The following TCERG1L variants were observed in gnomAD, a reference collection of about 807,000 sequenced individuals.
The protein encoded by TCERG1L is transcription elongation regulator 1-like protein.
In TCERG1L, 37 loss-of-function variants were observed where a neutral mutation model predicts 56.3. That is an observed-to-expected ratio of 0.66 (90% CI 0.51 to 0.87). TCERG1L has a LOEUF of 0.87. Among genes scored for constraint, TCERG1L ranks in the 40% least tolerant of loss-of-function variants. TCERG1L has a pLI of 0.00. For synonymous variants in TCERG1L, 324 were observed against 326.3 expected, an observed-to-expected ratio of 0.99 and a Z score of 0.08; for missense variants, 799 against 774.2, an observed-to-expected ratio of 1.03 and a Z score of -0.38.
At chr10:131,234,233 C>A (rs995645175) in intron 4 of TCERG1L, among the ~76,000 whole-genome samples, 1 of 152,200 alleles carries the variant, frequency 6.6e-6, no homozygotes, top group Non-Finnish European at 1.5e-5. Flanking sequence ...ATTTCCTATC[C>A]TAATCAACCC....
At chr10:131,249,237 A>G (rs1326071187) in intron 4 of TCERG1L, among the ~76,000 whole-genome samples, 4 of 152,248 alleles carry the variant, frequency 2.6e-5, no homozygotes, top group Admixed American at 2.6e-4. Context: ...AAGCAGATAT[A>G]AGTGATTGTT....
At chr10:131,121,543 C>T (rs746498712) in intron 8 of TCERG1L, among the ~76,000 whole-genome samples, 7 of 152,340 alleles carry the variant, frequency 4.6e-5, no homozygotes, top group African/African-American at 9.6e-5. Context: ...ATTTGATGAA[C>T]AGGCCTCCTG....
chr10:131,205,021 G>A (rs760640877), intron 4 of TCERG1L, among the ~76,000 whole-genome samples: 7 of 152,030 alleles, frequency 4.6e-5, no homozygotes, highest in Non-Finnish European at 8.8e-5. Flanking sequence ...CCTGCCACCC[G>A]GCTCTTTCTG....
chr10:131,094,925 C>T (rs1250352000), intron 11 of TCERG1L, among the ~76,000 whole-genome samples: 2 of 152,232 alleles, frequency 1.3e-5, no homozygotes, highest in Non-Finnish European at 2.9e-5. Context: ...AGGCCCTATT[C>T]TGGGCCTCTC....
intron 5 of TCERG1L, among the ~76,000 whole-genome samples, chr10:131,164,391 T>A (rs1846010141): frequency 6.6e-6 from 1 of 152,170 alleles, no homozygotes; most frequent in Non-Finnish European, 1.5e-5. Flanking sequence ...AGACCGCAGG[T>A]CTTTGTTCAG....
chr10:131,261,059 C>T (rs1846233561), intron 3 of TCERG1L, among the ~76,000 whole-genome samples: 1 of 152,136 alleles, frequency 6.6e-6, no homozygotes, highest in Non-Finnish European at 1.5e-5. Flanking sequence ...TGGCCGGTCA[C>T]CAGACCAGCT....
intron 4 of TCERG1L, among the ~76,000 whole-genome samples, chr10:131,187,431 C>T (rs886931489): frequency 4.6e-5 from 7 of 152,156 alleles, no homozygotes; most frequent in Non-Finnish European, 1.0e-4. Context: ...CCAGGTGGCC[C>T]AGCAGGGAGC....
At chr10:131,223,909 G>A (rs1312361512) in intron 4 of TCERG1L, among the ~76,000 whole-genome samples, 42 of 149,348 alleles carry the variant, frequency 2.8e-4, no homozygotes, top group Admixed American at 2.7e-3. Context: ...AGCTTGACCT[G>A]CTGAGCCCTG....
intron 4 of TCERG1L, among the ~76,000 whole-genome samples, chr10:131,223,315 G>A (rs757488555): frequency 5.3e-5 from 8 of 152,180 alleles, no homozygotes; most frequent in Non-Finnish European, 7.3e-5. Flanking sequence ...CAATCCAGGC[G>A]TCAAGGTGGA....
At chr10:131,200,737 C>G (rs554207849) in intron 4 of TCERG1L, among the ~76,000 whole-genome samples, 174 of 152,218 alleles carry the variant, frequency 1.1e-3, no homozygotes, top group African/African-American at 4.0e-3. Flanking sequence ...ATGTATTTTG[C>G]GTGTGGGAAG....
intron 3 of TCERG1L, among the ~76,000 whole-genome samples, chr10:131,285,445 C>T (rs150476062): frequency 1.1e-5 from 1 of 92,666 alleles, no homozygotes; most frequent in African/African-American, 4.2e-5. Context: ...GAAAGAGAAA[C>T]AAAGAAAGAG....
intron 4 of TCERG1L, among the ~76,000 whole-genome samples, chr10:131,184,166 C>T (rs951689430): frequency 1.3e-5 from 2 of 152,234 alleles, no homozygotes; most frequent in African/African-American, 4.8e-5. Context: ...TTGGAGTGTG[C>T]ACTAAGCGAT....
intron 8 of TCERG1L, 110 bp from the exon 9 acceptor site, chr10:131,117,044 C>T (rs1198764338): frequency 2.2e-6 from 3 of 1,357,258 alleles, no homozygotes; most frequent in Non-Finnish European, 2.9e-6. Context: ...GCACAGTCTC[C>T]TTGACAACTC....
chr10:131,143,521 C>G (rs974506779), intron 7 of TCERG1L, among the ~76,000 whole-genome samples: 1 of 152,162 alleles, frequency 6.6e-6, no homozygotes, highest in Non-Finnish European at 1.5e-5. Context: ...AGGTGGCCCC[C>G]GTGGCCAAAG....
At chr10:131,297,309 C>T (rs1378510352) in intron 3 of TCERG1L, among the ~76,000 whole-genome samples, 2 of 152,126 alleles carry the variant, frequency 1.3e-5, no homozygotes, top group Non-Finnish European at 2.9e-5. Flanking sequence ...TTGACAAATG[C>T]ATTTTCTGAA....
intron 4 of TCERG1L, among the ~76,000 whole-genome samples, chr10:131,249,760 T>C (rs1010954729): frequency 6.6e-6 from 1 of 152,204 alleles, no homozygotes; most frequent in Non-Finnish European, 1.5e-5. Flanking sequence ...CCACACTCGC[T>C]GGCTCACGCA....
chr10:131,210,094 A>G (rs1310796312), intron 4 of TCERG1L, among the ~76,000 whole-genome samples: 1 of 152,234 alleles, frequency 6.6e-6, no homozygotes, highest in Admixed American at 6.5e-5. Context: ...TCACCTGGAG[A>G]AGAAGAAAAT....
intron 3 of TCERG1L, among the ~76,000 whole-genome samples, chr10:131,278,248 G>A (rs1039466134): frequency 6.6e-6 from 1 of 152,042 alleles, no homozygotes; most frequent in Non-Finnish European, 1.5e-5. Flanking sequence ...GTAAAATGGG[G>A]CAGCGATGCT....
chr10:131,092,971 C>A lies in TCERG1L; in HGVS notation c.*191G>T. 1 of 546,680 alleles carries A rather than the reference C, an allele frequency of 1.8e-6. No individual in the cohort carries two copies. Among genetic ancestry groups the A allele is most frequent in the Non-Finnish European group, 3.2e-6 (1 of 314,868 alleles). The allele number at this position is 546,680 out of a possible 1,614,324, so 33.9% of individuals were successfully genotyped here. On this transcript the variant is annotated 3_prime_UTR_variant, in exon 12 of 12. Coordinates refer to ENST00000368642, the MANE Select transcript of TCERG1L (RefSeq NM_174937.4). ...TCACGGTGATTAGAAATGCATCAAACTCTGAATGTACAAAAGAGAGAGCTT... is the reference window on the plus strand; with the variant it reads ...TCACGGTGATTAGAAATGCATCAAAATCTGAATGTACAAAAGAGAGAGCTT...
Sources: gnomAD v4.1 joint callset for allele counts (sites outside exome capture counted in the v4.1 genomes callset) on GRCh38, gnomAD v4.1.1 for gene constraint, MANE v1.5 for transcripts, NCBI Gene and HGNC (gene_info 2026-07-23, HGNC 2026-07-21) for gene names.